The following NCAM2 variants were observed in gnomAD, a reference collection of about 807,000 sequenced individuals.
NCAM2 encodes the protein N-CAM-2.
NCAM2 carries 30 observed loss-of-function variants against 98.1 expected under a neutral mutation model. The observed-to-expected ratio is 0.31, with a 90% CI of 0.23 to 0.41. The LOEUF is 0.41. Among genes scored for constraint, NCAM2 ranks in the 10% least tolerant of loss-of-function variants. The pLI is 1.00. For missense variants in NCAM2, 867 were observed against 1,005.8 expected (o/e 0.86, Z 1.87); for synonymous variants, 368 against 342.4 (o/e 1.07, Z -0.83).
chr21:21,128,948 A>C (rs192506760), intron 1 of NCAM2, among the ~76,000 whole-genome samples: 1 of 152,188 alleles, frequency 6.6e-6, no homozygotes, highest in African/African-American at 2.4e-5. Context: ...CAATGTAAAA[A>C]CATCCAAAGA....
intron 12 of NCAM2, among the ~76,000 whole-genome samples, chr21:21,433,379 A>T (rs189090816): frequency 8.9e-4 from 136 of 151,958 alleles, no homozygotes; most frequent in African/African-American, 2.2e-3. Flanking sequence ...GTTTTTTTTT[A>T]AAAAATTATT....
At chr21:21,261,015 T>A (rs2071876258) in intron 1 of NCAM2, among the ~76,000 whole-genome samples, 1 of 152,082 alleles carries the variant, frequency 6.6e-6, no homozygotes, top group South Asian at 2.1e-4. Context: ...TAAAGTTATG[T>A]CACACAAATG....
chr21:21,533,994 A>C (rs897977096), intron 16 of NCAM2, among the ~76,000 whole-genome samples: 3 of 152,032 alleles, frequency 2.0e-5, no homozygotes, highest in African/African-American at 7.2e-5. Flanking sequence ...TTTTATAGTT[A>C]AGATCTTTCA....
intron 3 of NCAM2, among the ~76,000 whole-genome samples, chr21:21,284,692 G>C (rs558410586): frequency 5.1e-4 from 78 of 151,550 alleles, no homozygotes; most frequent in African/African-American, 1.8e-3. Flanking sequence ...TTATTTAGTG[G>C]TATGATATTT....
rs1192869619 is a variant in NCAM2 at position 21,543,077 on chromosome 21, T to C, written c.*5120T>C. The C allele has an allele frequency of 6.6e-6, 1 of 151,902 alleles. No individual in the cohort carries two copies. Among genetic ancestry groups the C allele is most frequent in the African/African-American group, 2.4e-5 (1 of 41,410 alleles). The allele number at this position is 151,902 out of a possible 1,614,324, so 9.4% of individuals were successfully genotyped here. A position where few individuals can be genotyped will look rare whatever the true frequency, so the allele number is the denominator to read the frequency against. On this transcript the variant is annotated 3_prime_UTR_variant, in exon 18 of 18. Coordinates refer to ENST00000400546, the MANE Select transcript of NCAM2 (RefSeq NM_004540.5). ...GCTCAGTATGTACTGAAACATACTA[T>C]CTTTTATTTTCTTTAATTTATATAT...
At chr21:21,123,216 A>T (rs1417127960) in intron 1 of NCAM2, among the ~76,000 whole-genome samples, 2 of 152,010 alleles carry the variant, frequency 1.3e-5, no homozygotes, top group African/African-American at 4.8e-5. Flanking sequence ...TGACACGGTG[A>T]AACCCGGTCT....
intron 6 of NCAM2, 21 bp from the exon 7 acceptor site, chr21:21,335,484 A>T: frequency 6.3e-7 from 1 of 1,575,008 alleles, no homozygotes; most frequent in South Asian, 1.2e-5. Flanking sequence ...TGTGAGGATG[A>T]ACCTCTTTTT....
chr21:21,078,191 C>T, intron 1 of NCAM2, among the ~76,000 whole-genome samples: 2 of 152,054 alleles, frequency 1.3e-5, no homozygotes, highest in East Asian at 3.8e-4. Context: ...CTAGCTTATT[C>T]TCAGCCATTT....
chr21:21,155,468 C>A (rs761862032), intron 1 of NCAM2, among the ~76,000 whole-genome samples: 1 of 151,574 alleles, frequency 6.6e-6, no homozygotes, highest in Admixed American at 6.6e-5. Flanking sequence ...ATACTTGACA[C>A]TCTGGTTTTG....
At chr21:21,087,665 C>T (rs1047453274) in intron 1 of NCAM2, among the ~76,000 whole-genome samples, 2 of 152,116 alleles carry the variant, frequency 1.3e-5, no homozygotes, top group African/African-American at 4.8e-5. Flanking sequence ...GGAGATATAG[C>T]ACTCTGGGTC....
At chr21:21,229,632 T>G (rs1360557034) in intron 1 of NCAM2, among the ~76,000 whole-genome samples, 1 of 151,448 alleles carries the variant, frequency 6.6e-6, no homozygotes, top group Non-Finnish European at 1.5e-5. Flanking sequence ...ATTGTAATAG[T>G]TGTCTTCCAG....
intron 1 of NCAM2, among the ~76,000 whole-genome samples, chr21:21,142,187 A>G (rs2067180822): frequency 2.0e-5 from 3 of 152,160 alleles, no homozygotes; most frequent in Admixed American, 2.0e-4. Flanking sequence ...TAATATGAAT[A>G]CTATAAACAT....
At chr21:21,432,543 G>A (rs1335517475) in intron 12 of NCAM2, among the ~76,000 whole-genome samples, 3 of 150,472 alleles carry the variant, frequency 2.0e-5, no homozygotes, top group East Asian at 1.9e-4. Context: ...AAATTCGTTG[G>A]TGGAAAGGCA....
At chr21:21,340,611 G>T (rs2075000126) in intron 8 of NCAM2, among the ~76,000 whole-genome samples, 1 of 151,874 alleles carries the variant, frequency 6.6e-6, no homozygotes, top group African/African-American at 2.4e-5. Context: ...AGTCAATAAA[G>T]AAATTAAGTC....
At chr21:21,173,561 C>T (rs566663151) in intron 1 of NCAM2, among the ~76,000 whole-genome samples, 4 of 152,238 alleles carry the variant, frequency 2.6e-5, no homozygotes, top group East Asian at 1.9e-4. Flanking sequence ...ACATGCTAAA[C>T]TGAGTTTATT....
At chr21:21,167,120 T>G (rs908574831) in intron 1 of NCAM2, among the ~76,000 whole-genome samples, 5 of 152,072 alleles carry the variant, frequency 3.3e-5, no homozygotes, top group African/African-American at 1.2e-4. Context: ...TTTAGTTGTG[T>G]TTTGGGGGTG....
intron 1 of NCAM2, among the ~76,000 whole-genome samples, chr21:21,000,379 A>G (rs145754011): frequency 5.3e-4 from 80 of 152,306 alleles, no homozygotes; most frequent in African/African-American, 1.8e-3. Context: ...AAAATGTCTC[A>G]GTTGTGGAAT....
rs11910420 is a variant in NCAM2 at position 21,137,044 on chromosome 21, C to T, written c.55+138426C>T. Among the ~76,000 whole-genome samples the T allele has an allele frequency of 1.0e-2, 1,521 of 152,104 alleles. 27 individuals are homozygous for T. Among genetic ancestry groups the T allele is most frequent in the African/African-American group, 0.035 (1,455 of 41,494 alleles). On this transcript the variant is annotated intron_variant, in intron 1 of 17. Coordinates refer to ENST00000400546, the MANE Select transcript of NCAM2 (RefSeq NM_004540.5). ...CAATTTTTAGTAGAGGCAGGTTTCA[C>T]CATGTTGGCCAGGCTGTTCAGGGAC...
At chr21:21,239,387 C>A (rs992364278) in intron 1 of NCAM2, 3 of 152,168 alleles carry the variant, frequency 2.0e-5, no homozygotes, top group African/African-American at 7.2e-5. Flanking sequence ...TGCAAGCAGT[C>A]TGATGCCCAT....
Sources: allele counts gnomAD v4.1 joint callset (sites outside exome capture counted in the v4.1 genomes callset), GRCh38; gene constraint gnomAD v4.1.1; transcripts MANE v1.5; gene names NCBI Gene and HGNC (gene_info 2026-07-23, HGNC 2026-07-21).